Variants in RBM4 observed in about 807,000 individuals in gnomAD.
The protein encoded by RBM4 is RNA binding motif protein 4, also known as RNA-binding protein 4.
Under a neutral mutation model 29.5 loss-of-function variants are expected in RBM4, and 7 were observed. That is an observed-to-expected ratio of 0.24 (90% CI 0.14 to 0.45). RBM4 has a LOEUF of 0.45. Ranked by LOEUF, RBM4 falls within the 20% of genes least tolerant of loss-of-function variation. The pLI is 1.00. For synonymous variants in RBM4, 220 were observed against 205.4 expected (o/e 1.07, Z -0.61); for missense variants, 387 against 502.3 (o/e 0.77, Z 2.19).
chr11:66,655,066 A>G (rs1485598639), intron 2 of RBM4, among the ~76,000 whole-genome samples: 1 of 151,640 alleles, frequency 6.6e-6, no homozygotes, highest in African/African-American at 2.4e-5. Flanking sequence ...GCTCACTGCA[A>G]CCTCTGCCTC....
chr11:66,649,878 C>T (rs1938788603), downstream of RBM4: 1 of 583,408 alleles, frequency 1.7e-6, no homozygotes, highest in Non-Finnish European at 3.1e-6. Flanking sequence ...TGCGTCTGGT[C>T]AAAATGTAGT....
At chr11:66,661,144 C>G (rs1210848405) in intron 2 of RBM4, among the ~76,000 whole-genome samples, 1 of 152,190 alleles carries the variant, frequency 6.6e-6, no homozygotes, top group Admixed American at 6.5e-5. Context: ...TTTCATTCTT[C>G]TCCTGCAAGT....
At chr11:66,639,174 GTATTTCCTT>G (rs1938325242) in intron 1 of RBM4, 1 of 155,856 alleles carries the variant, frequency 6.4e-6, no homozygotes, top group Non-Finnish European at 1.4e-5. Context: ...CACCACTCCA[GTATTTCCTT>G]TATCTCCCAC....
chr11:66,650,374 A>G (rs975123879), downstream of RBM4, among the ~76,000 whole-genome samples: 9 of 152,078 alleles, frequency 5.9e-5, no homozygotes, highest in East Asian at 1.5e-3. Flanking sequence ...GTTCAAGACC[A>G]GCCTGTCAAA....
At chr11:66,647,253 A>G (rs1327455550), downstream of RBM4, among the ~76,000 whole-genome samples, 1 of 152,250 alleles carries the variant, frequency 6.6e-6, no homozygotes, top group Non-Finnish European at 1.5e-5. Context: ...CACCTACTGT[A>G]TGCCAGGCAT....
chr11:66,655,606 T>G (rs533473063), intron 2 of RBM4, among the ~76,000 whole-genome samples: 3 of 152,332 alleles, frequency 2.0e-5, no homozygotes, highest in Middle Eastern at 3.4e-3. Context: ...AAGTGAGATT[T>G]GAGCAATGAG....
chr11:66,654,055 C>T (rs1938890085), intron 2 of RBM4, among the ~76,000 whole-genome samples: 1 of 152,112 alleles, frequency 6.6e-6, no homozygotes, highest in Non-Finnish European at 1.5e-5. Context: ...GAGACAAGGT[C>T]TTGCTCTGTC....
In RBM4 at chr11:66,646,330, G is replaced by A. The variant is rs1938690966; in HGVS notation, c.*312G>A. The A allele has an allele frequency of 1.0e-4, 127 of 1,274,546 alleles. 1 individual carries two copies. The South Asian group carries it at 2.6e-3, about 26-fold the overall frequency. The allele number at this position is 1,274,546 out of a possible 1,614,324, so 79.0% of individuals were successfully genotyped here. A position where few individuals can be genotyped will look rare whatever the true frequency, so the allele number is the denominator to read the frequency against. ...CTGTGCTGTCTCCTCCCTGCCTCCT[G>A]CCTCCTGCGGCTGTTGGATTTGGGA... On this transcript the variant is annotated 3_prime_UTR_variant, in exon 4 of 4. Coordinates refer to ENST00000310092, the MANE Select transcript of RBM4 (RefSeq NM_002896.4).
intron 2 of RBM4, among the ~76,000 whole-genome samples, chr11:66,662,608 G>A (rs975375019): frequency 3.9e-5 from 6 of 152,060 alleles, no homozygotes; most frequent in Non-Finnish European, 8.8e-5. Flanking sequence ...TCACCATGTT[G>A]CCCAGGCTGG....
intron 2 of RBM4, 119 bp downstream of exon 2, chr11:66,640,242 A>G (rs1938381046): frequency 7.3e-7 from 1 of 1,365,266 alleles, no homozygotes; most frequent in South Asian, 1.2e-5. Flanking sequence ...TGATGAAGAA[A>G]TAAGTGTGGG....
intron 2 of RBM4, among the ~76,000 whole-genome samples, chr11:66,655,022 G>A (rs548584694): frequency 4.0e-5 from 6 of 151,796 alleles, no homozygotes; most frequent in Non-Finnish European, 8.8e-5. Context: ...TTTTGCTCTT[G>A]TTGCCCAGGC....
At position 66,652,279 on chromosome 11, in the gene RBM4, G is replaced by T. The variant is rs1938848166; in HGVS notation, c.412+12156G>T. On this transcript the variant is annotated intron_variant, in intron 2 of 2. Transcript: ENST00000396053. Reference sequence around the variant, plus strand: ...GGCTAATTTTTTTGTATTTTTAGTAGAGACGGGGTTTCACCGTGTTAACCA... The same window carrying T: ...GGCTAATTTTTTTGTATTTTTAGTATAGACGGGGTTTCACCGTGTTAACCA... The T allele has an allele frequency of 1.3e-5, 2 of 152,086 alleles. 1 individual carries two copies. Among genetic ancestry groups the T allele is most frequent in the South Asian group, 4.1e-4 (2 of 4,830 alleles). The allele number at this position is 152,086 out of a possible 1,614,324, so 9.4% of individuals were successfully genotyped here.
At position 66,666,998 on chromosome 11, in the gene RBM4, C is replaced by T. The variant is rs188127015; in HGVS notation, c.*1033C>T. On this transcript the variant is annotated 3_prime_UTR_variant, in exon 3 of 3. Transcript: ENST00000396053. Reference sequence around the variant, plus strand: ...AACTGCAGTCTCTCACTCCTGGGCTCAAGGGATCCTCCAGCCTCAGCTTCC... The same window carrying T: ...AACTGCAGTCTCTCACTCCTGGGCTTAAGGGATCCTCCAGCCTCAGCTTCC... 11 of 151,792 alleles carry T rather than the reference C, an allele frequency of 7.2e-5. No individual in the cohort carries two copies. In the East Asian group the frequency reaches 1.2e-3, roughly 16 times the overall value. 9.4% of individuals were successfully genotyped at this position (151,792 alleles called of 1,614,324 possible).
chr11:66,644,064 T>A lies in RBM4; in HGVS notation c.1027T>A (p.Ser343Thr). The A allele has an allele frequency of 6.2e-7, 1 of 1,613,976 alleles. No homozygotes were observed. The highest frequency in any genetic ancestry group is 8.5e-7 in the Non-Finnish European group (1 of 1,180,016). Residue 343 changes from serine to threonine, a missense_variant, in exon 3 of 4, where the codon TCT becomes ACT. This residue lies in a region of RBM4 where 281 missense variants were observed against 288.7 expected (regional missense o/e 0.97). Coordinates refer to ENST00000310092, the MANE Select transcript of RBM4 (RefSeq NM_002896.4). ...CCAAGCTTCAGCAGCCGCGCGGAAT[T>A]CTCTGTACGACATGGCCCGGTATGA... Reference protein sequence around the residue: ...LSQASAAARNSLYDMARYERE... With the variant: ...LSQASAAARNTLYDMARYERE...
chr11:66,639,180 C>A (rs989012477), intron 1 of RBM4: 3 of 155,790 alleles, frequency 1.9e-5, no homozygotes, highest in Non-Finnish European at 2.8e-5. Flanking sequence ...TCCAGTATTT[C>A]CTTTATCTCC....
At chr11:66,665,754 G>A (rs1207566169) in intron 2 of RBM4, 46 of 1,294,252 alleles carry the variant, frequency 3.6e-5, no homozygotes, top group Non-Finnish European at 4.7e-5. Context: ...TCTATCAATA[G>A]CTATATATAG....
intron 1 of RBM4, chr11:66,639,443 A>C (rs1470408377): frequency 4.0e-6 from 2 of 502,058 alleles, no homozygotes; most frequent in East Asian, 3.2e-5. Context: ...TTCTGTTGGA[A>C]GGTATCGGTT....
chr11:66,656,351 A>C (rs927986605), intron 2 of RBM4, among the ~76,000 whole-genome samples: 1 of 152,152 alleles, frequency 6.6e-6, no homozygotes, highest in African/African-American at 2.4e-5. Flanking sequence ...TGTGTTGGCC[A>C]GGATGGTCTC....
chr11:66,667,931 T>A (rs1224685266), exon 3 of RBM4: 1 of 152,536 alleles, frequency 6.6e-6, no homozygotes, highest in Non-Finnish European at 1.5e-5. Context: ...GGTCTTGAAC[T>A]CCTGGGCTCA....
Sources: gnomAD v4.1 joint callset for allele counts (sites outside exome capture counted in the v4.1 genomes callset) on GRCh38, gnomAD v4.1.1 for gene constraint, gnomAD v4.1.1 regional missense constraint, MANE v1.5 for transcripts, NCBI Gene and HGNC (gene_info 2026-07-23, HGNC 2026-07-21) for gene names.